Variants in SREK1IP1 observed in about 807,000 individuals in gnomAD.
SREK1IP1 encodes SREK1 interacting protein 1.
Under a neutral mutation model 22.8 loss-of-function variants are expected in SREK1IP1, and 12 were observed. That is an observed-to-expected ratio of 0.53 (90% CI 0.34 to 0.85). The LOEUF (loss-of-function observed/expected upper bound fraction) is 0.85. Ranked by LOEUF, SREK1IP1 falls within the 40% of genes least tolerant of loss-of-function variation. SREK1IP1 has a pLI of 0.02. For synonymous variants in SREK1IP1, 53 were observed against 52.7 expected, an observed-to-expected ratio of 1.01 and a Z score of -0.02; for missense variants, 147 against 171.8, an observed-to-expected ratio of 0.86 and a Z score of 0.81.
intron 4 of SREK1IP1, among the ~76,000 whole-genome samples, chr5:64,725,288 A>G (rs1048900890): frequency 2.0e-5 from 3 of 152,158 alleles, no homozygotes; most frequent in African/African-American, 7.2e-5. Context: ...AAAGGAAAAG[A>G]AAAAGAAAAA....
chr5:64,740,048 T>C (rs1246822991), intron 3 of SREK1IP1, among the ~76,000 whole-genome samples: 5 of 152,154 alleles, frequency 3.3e-5, no homozygotes, highest in Non-Finnish European at 7.4e-5. Context: ...GTGCATTTTG[T>C]AGTTTACAAA....
intron 3 of SREK1IP1, among the ~76,000 whole-genome samples, chr5:64,731,131 G>A (rs1742371087): frequency 6.6e-6 from 1 of 152,096 alleles, no homozygotes; most frequent in Non-Finnish European, 1.5e-5. Flanking sequence ...GGAAATGTGT[G>A]GCTAAGGTGA....
At chr5:64,739,833 G>C (rs2112096002) in intron 3 of SREK1IP1, among the ~76,000 whole-genome samples, 1 of 151,852 alleles carries the variant, frequency 6.6e-6, no homozygotes, top group African/African-American at 2.4e-5. Context: ...TTCCTTTTCA[G>C]CTTGTTCTAG....
rs866733137 is a variant in SREK1IP1 at position 64,747,434 on chromosome 5, G to A, written c.62-6234C>T. The stretch of plus-strand genomic sequence containing the variant: ...ATAATAAAAGATGCTCCTATCACCC[G>A]TATCACTCAGGAAATTCCAAGAGTT... On this transcript the variant is annotated intron_variant, in intron 2 of 4. Coordinates refer to ENST00000513458, the MANE Select transcript of SREK1IP1 (RefSeq NM_173829.4). 7.9e-5 allele frequency among the ~76,000 whole-genome samples: 12 copies of A among 152,244 alleles called. No homozygotes were observed. In the South Asian group the frequency reaches 1.2e-3, roughly 16 times the overall value.
At chr5:64,745,153 T>C (rs759133793) in intron 2 of SREK1IP1, among the ~76,000 whole-genome samples, 1 of 152,216 alleles carries the variant, frequency 6.6e-6, no homozygotes, top group Non-Finnish European at 1.5e-5. Flanking sequence ...CACCTGGGGA[T>C]TTCCCTTTCA....
At chr5:64,738,392 G>A (rs1230959719) in intron 3 of SREK1IP1, among the ~76,000 whole-genome samples, 1 of 152,148 alleles carries the variant, frequency 6.6e-6, no homozygotes, top group Non-Finnish European at 1.5e-5. Context: ...AAAGAATATT[G>A]TTAAAATGCC....
chr5:64,732,512 T>C (rs771567944), intron 3 of SREK1IP1, among the ~76,000 whole-genome samples: 19 of 152,160 alleles, frequency 1.2e-4, no homozygotes, highest in Non-Finnish European at 1.9e-4. Flanking sequence ...TGTATAGGAC[T>C]TATATGCTGA....
chr5:64,757,479 T>C (rs955760552), intron 1 of SREK1IP1, among the ~76,000 whole-genome samples: 5 of 152,168 alleles, frequency 3.3e-5, no homozygotes, highest in Non-Finnish European at 5.9e-5. Flanking sequence ...AATTGATACA[T>C]TGGGGAAAAA....
At chr5:64,726,587 A>G (rs945461444) in intron 4 of SREK1IP1, among the ~76,000 whole-genome samples, 5 of 151,974 alleles carry the variant, frequency 3.3e-5, no homozygotes, top group South Asian at 2.1e-4. Context: ...AAAAAAAAAA[A>G]AAAAAAGAAA....
At chr5:64,742,791 T>C (rs1742571995) in intron 2 of SREK1IP1, among the ~76,000 whole-genome samples, 1 of 152,220 alleles carries the variant, frequency 6.6e-6, no homozygotes. Context: ...CCTTTGAATA[T>C]TCTTAGTTCT....
At chr5:64,736,675 C>T (rs1353002633) in intron 3 of SREK1IP1, among the ~76,000 whole-genome samples, 1 of 152,036 alleles carries the variant, frequency 6.6e-6, no homozygotes, top group Non-Finnish European at 1.5e-5. Context: ...GTTGACCAGG[C>T]TGGTCTTGAA....
chr5:64,728,054 C>T, intron 4 of SREK1IP1, 53 bp downstream of exon 4: 1 of 1,182,912 alleles, frequency 8.5e-7, no homozygotes, highest in Non-Finnish European at 1.1e-6. Context: ...TTTTATAATC[C>T]ATCCTAAACT....
chr5:64,739,933 C>T (rs968865214), intron 3 of SREK1IP1, among the ~76,000 whole-genome samples: 3 of 152,008 alleles, frequency 2.0e-5, no homozygotes, highest in African/African-American at 7.2e-5. Flanking sequence ...TAATGTTCAT[C>T]GACAATCTAA....
intron 4 of SREK1IP1, chr5:64,727,553 A>ATATATATATATATATATAT: frequency 2.4e-5 from 2 of 84,712 alleles, no homozygotes; most frequent in African/African-American, 1.1e-4. Flanking sequence ...ATATATATAT[A>ATATATATATATATATATAT]TTTTTTTTTT....
In SREK1IP1 at chr5:64,719,525, A is replaced by G. The variant is rs1742120552; in HGVS notation, c.*4859T>C. The G allele has an allele frequency of 6.6e-6, 1 of 152,178 alleles. No individual in the cohort carries two copies. The highest frequency in any genetic ancestry group is 1.5e-5 in the Non-Finnish European group (1 of 68,036). The allele number at this position is 152,178 out of a possible 1,614,324, so 9.4% of individuals were successfully genotyped here. On this transcript the variant is annotated 3_prime_UTR_variant, in exon 5 of 5. Coordinates refer to ENST00000513458, the MANE Select transcript of SREK1IP1 (RefSeq NM_173829.4). ...TTTAAAGTATCCCAGAAAATTTGCT[A>G]TCTTTACAGTAATTTAATAATATTA...
chr5:64,758,101 C>A (rs1355153937), intron 1 of SREK1IP1, among the ~76,000 whole-genome samples: 1 of 151,398 alleles, frequency 6.6e-6, no homozygotes, highest in Non-Finnish European at 1.5e-5. Flanking sequence ...TGGTCTCGAT[C>A]TCCTGACCTC....
chr5:64,735,403 G>A (rs1580541693), intron 3 of SREK1IP1, among the ~76,000 whole-genome samples: 1 of 152,044 alleles, frequency 6.6e-6, no homozygotes, highest in South Asian at 2.1e-4. Context: ...ATTGAGTTGA[G>A]AAATACTCTC....
chr5:64,729,340 A>G lies in SREK1IP1; in HGVS notation c.206-1161T>C, dbSNP rs1400846073. 2.0e-5 allele frequency among the ~76,000 whole-genome samples: 3 copies of G among 152,332 alleles called. 1 individual carries two copies. The highest frequency in any genetic ancestry group is 7.2e-5 in the African/African-American group (3 of 41,572). On this transcript the variant is annotated intron_variant, in intron 3 of 4. Transcript: ENST00000513458. Reference sequence around the variant, plus strand: ...TCTAAGTGAACAGCAAGGGTAGTGCATGTCAGGAAGAGGAAATTAGTGCCA... The same window carrying G: ...TCTAAGTGAACAGCAAGGGTAGTGCGTGTCAGGAAGAGGAAATTAGTGCCA...
chr5:64,736,913 TTC>T (rs1404951040), intron 3 of SREK1IP1, among the ~76,000 whole-genome samples: 6 of 143,130 alleles, frequency 4.2e-5, no homozygotes, highest in East Asian at 4.1e-4. Flanking sequence ...GTTGTCTCTC[TTC>T]TTTTTTTTTT....
Sources: allele counts gnomAD v4.1 joint callset (sites outside exome capture counted in the v4.1 genomes callset), GRCh38; gene constraint gnomAD v4.1.1; transcripts MANE v1.5; gene names NCBI Gene and HGNC (gene_info 2026-07-23, HGNC 2026-07-21).